Variants in PLEKHD1 observed in about 807,000 individuals in gnomAD.
PLEKHD1 encodes the protein pleckstrin homology and coiled-coil domain containing D1, also known as pleckstrin homology domain-containing family D member 1.
PLEKHD1 carries 51 observed loss-of-function variants against 69.2 expected under a neutral mutation model. That is an observed-to-expected ratio of 0.74 (90% CI 0.59 to 0.93). The LOEUF is 0.93. Among genes scored for constraint, PLEKHD1 ranks in the 40% least tolerant of loss-of-function variants. The probability of loss-of-function intolerance (pLI) is 0.00; values close to 1 mark genes in which losing one functional copy is unlikely to be tolerated. For missense variants in PLEKHD1, 584 were observed against 641.0 expected (o/e 0.91, Z 0.96); for synonymous variants, 236 against 244.7 (o/e 0.96, Z 0.33).
the PLEKHD1 span, among the ~76,000 whole-genome samples, chr14:69,475,288 C>T: frequency 6.6e-6 from 1 of 152,348 alleles, no homozygotes; most frequent in South Asian, 2.1e-4. Flanking sequence ...TATACTTGCT[C>T]TTAGAAGCCA....
At chr14:69,511,268 C>G (rs1164615216) in intron 6 of PLEKHD1, among the ~76,000 whole-genome samples, 1 of 152,190 alleles carries the variant, frequency 6.6e-6, no homozygotes, top group African/African-American at 2.4e-5. Context: ...AAGCGATCCT[C>G]CTGCCTCAGC....
chr14:69,482,148 A>G (rs1162897386), upstream of PLEKHD1, among the ~76,000 whole-genome samples: 1 of 152,220 alleles, frequency 6.6e-6, no homozygotes, highest in Non-Finnish European at 1.5e-5. Flanking sequence ...TACGTCCTGT[A>G]TGCAGAGGGA....
chr14:69,521,700 G>C (rs1030574226), intron 6 of PLEKHD1, among the ~76,000 whole-genome samples: 2 of 152,146 alleles, frequency 1.3e-5, no homozygotes, highest in Non-Finnish European at 2.9e-5. Context: ...GGCAAGTCTG[G>C]TCCCCTGGGG....
At chr14:69,519,140 G>T (rs184087680) in intron 6 of PLEKHD1, among the ~76,000 whole-genome samples, 2 of 152,034 alleles carry the variant, frequency 1.3e-5, no homozygotes, top group Non-Finnish European at 2.9e-5. Flanking sequence ...GAAATAGAAC[G>T]CTCTCATTGA....
chr14:69,484,871 C>G lies in PLEKHD1; in HGVS notation c.-95C>G, dbSNP rs1272079882. The G allele has an allele frequency of 2.1e-6, 3 of 1,401,858 alleles. No homozygotes were observed. The highest frequency in any genetic ancestry group is 1.4e-5 in the African/African-American group (1 of 69,912). 86.8% of individuals were successfully genotyped at this position (1,401,858 alleles called of 1,614,324 possible). A position where few individuals can be genotyped will look rare whatever the true frequency, so the allele number is the denominator to read the frequency against. The stretch of plus-strand genomic sequence containing the variant: ...CGCTCTGCTTCTCTGCTCGCTGGGA[C>G]GCTCTCCGACGGCTCCGCCCTCGCC... On this transcript the variant is annotated 5_prime_UTR_variant, in exon 1 of 13. Coordinates refer to ENST00000322564, the MANE Select transcript of PLEKHD1 (RefSeq NM_001161498.2).
intron 6 of PLEKHD1, among the ~76,000 whole-genome samples, chr14:69,506,222 T>G (rs1259647355): frequency 6.6e-6 from 1 of 152,258 alleles, no homozygotes; most frequent in African/African-American, 2.4e-5. Flanking sequence ...CTTCCTTTCA[T>G]TGAGCTGAAG....
At chr14:69,475,068 C>T in the PLEKHD1 span, among the ~76,000 whole-genome samples, 1 of 152,218 alleles carries the variant, frequency 6.6e-6, no homozygotes, top group African/African-American at 2.4e-5. Context: ...AGTAACTTGA[C>T]CAAAGTCTTC....
chr14:69,481,303 A>G (rs1232205000), upstream of PLEKHD1, among the ~76,000 whole-genome samples: 1 of 152,222 alleles, frequency 6.6e-6, no homozygotes, highest in East Asian at 1.9e-4. Flanking sequence ...AGCCTGGGTC[A>G]GAGTGATACC....
At chr14:69,524,088 C>T (rs1343618782) in intron 7 of PLEKHD1, 141 bp from the exon 8 acceptor site, 4 of 631,772 alleles carry the variant, frequency 6.3e-6, no homozygotes. Context: ...TGTCAGGGCC[C>T]AGCTGTGCAG....
chr14:69,503,863 CAAAAAAAA>C (rs35831952), intron 6 of PLEKHD1, among the ~76,000 whole-genome samples: 1 of 39,124 alleles, frequency 2.6e-5, no homozygotes, highest in Non-Finnish European at 5.4e-5. Context: ...GACTCCGTCT[CAAAAAAAA>C]AAAAAAAAAA....
At chr14:69,482,625 G>T (rs913510080), upstream of PLEKHD1, among the ~76,000 whole-genome samples, 47 of 152,252 alleles carry the variant, frequency 3.1e-4, no homozygotes, top group Admixed American at 2.9e-3. Context: ...GTCACCCAAG[G>T]CACGTCAGAT....
At position 69,526,131 on chromosome 14, in the gene PLEKHD1, G is replaced by A. The variant is rs1201758037; in HGVS notation, c.923+9G>A. 1 of 1,546,076 alleles carries A rather than the reference G, an allele frequency of 6.5e-7. No individual in the cohort carries two copies. The highest frequency in any genetic ancestry group is 1.2e-5 in the South Asian group (1 of 83,216). On this transcript the variant is annotated intron_variant, in intron 9 of 12. Transcript: ENST00000322564. ...CTCCTGGCAGAGAAGCGGTGAGGGA[G>A]CCCCGACCCCTGAAGACACCATTGA... is the stretch of plus-strand genomic sequence containing the variant.
chr14:69,527,650 G>A, intron 11 of PLEKHD1, 133 bp from the exon 12 acceptor site: 1 of 1,196,764 alleles, frequency 8.4e-7, no homozygotes, highest in Non-Finnish European at 1.2e-6. Flanking sequence ...CCTTCAGCAG[G>A]TGGCTCTGGA....
At chr14:69,502,939 T>G (rs375516515) in intron 6 of PLEKHD1, 60 bp downstream of exon 6, 1 of 1,534,582 alleles carries the variant, frequency 6.5e-7, no homozygotes, top group Non-Finnish European at 8.8e-7. Context: ...TTTCTAGCAC[T>G]AGGGAATGAT....
Position 69,498,100 on chromosome 14 carries a change from TATTTTAG to T in PLEKHD1, c.150-2013_150-2007del, listed in dbSNP as rs1274442413. 4.8e-5 allele frequency among the ~76,000 whole-genome samples: 7 copies of T among 146,644 alleles called. No homozygotes were observed. In the East Asian group the frequency reaches 1.4e-3, roughly 28 times the overall value. The stretch of plus-strand genomic sequence containing the variant: ...TATTTTATTTTATTTTATTTTATTT[TATTTTAG>T]AGAGTCTTGCTCTGTCACTCAGGTT... On this transcript the variant is annotated intron_variant, in intron 1 of 12. Transcript: ENST00000322564.
chr14:69,526,864 C>A, intron 10 of PLEKHD1, 35 bp downstream of exon 10: 1 of 1,498,232 alleles, frequency 6.7e-7, no homozygotes, highest in Non-Finnish European at 8.9e-7. Context: ...GGGCCCTTCC[C>A]CTTCCCTGGA....
At chr14:69,481,664 T>C (rs1194592897), upstream of PLEKHD1, among the ~76,000 whole-genome samples, 1 of 152,248 alleles carries the variant, frequency 6.6e-6, no homozygotes, top group Non-Finnish European at 1.5e-5. Flanking sequence ...ACAACGCTTT[T>C]GAACTTTATT....
chr14:69,527,956 C>T, intron 12 of PLEKHD1, 24 bp downstream of exon 12: 1 of 1,551,012 alleles, frequency 6.4e-7, no homozygotes, highest in Non-Finnish European at 8.7e-7. Context: ...TCTGCGTGCC[C>T]TGGTGGGATG....
In PLEKHD1 at chr14:69,500,432, A is replaced by G; in HGVS notation, c.244-145A>G. 6 of 706,898 alleles carry G rather than the reference A, an allele frequency of 8.5e-6. No homozygotes were observed. In the South Asian group the frequency reaches 1.1e-4, roughly 13 times the overall value. The allele number at this position is 706,898 out of a possible 1,614,324, so 43.8% of individuals were successfully genotyped here. A position where few individuals can be genotyped will look rare whatever the true frequency, so the allele number is the denominator to read the frequency against. On this transcript the variant is annotated intron_variant, in intron 2 of 12. Coordinates refer to ENST00000322564, the MANE Select transcript of PLEKHD1 (RefSeq NM_001161498.2). ...ACCCTTCCTCTTCTCTCTGAACATCAGTTCTGGCCTCTGTCCCATGGCCCC... is the reference window on the plus strand; with the variant it reads ...ACCCTTCCTCTTCTCTCTGAACATCGGTTCTGGCCTCTGTCCCATGGCCCC...
Sources: allele counts gnomAD v4.1 joint callset (sites outside exome capture counted in the v4.1 genomes callset), GRCh38; gene constraint gnomAD v4.1.1; transcripts MANE v1.5; gene names NCBI Gene and HGNC (gene_info 2026-07-23, HGNC 2026-07-21).